Variants in GABBR2 observed in about 807,000 individuals in gnomAD.
GABBR2 encodes G-protein coupled receptor 51.
Under a neutral mutation model 105.6 loss-of-function variants are expected in GABBR2, and 23 were observed. The ratio of observed to expected loss-of-function variants is 0.22; its 90% CI spans 0.16 to 0.31. GABBR2 has a LOEUF of 0.31. GABBR2 is among the 10% of genes least tolerant of loss of function. The pLI is 1.00. For missense variants in GABBR2, 734 were observed against 1,245.5 expected (o/e 0.59, Z 6.18); for synonymous variants, 478 against 499.7 (o/e 0.96, Z 0.58).
At chr9:98,690,754 C>A (rs534130536) in intron 1 of GABBR2, among the ~76,000 whole-genome samples, 1 of 152,300 alleles carries the variant, frequency 6.6e-6, no homozygotes, top group East Asian at 1.9e-4. Flanking sequence ...CAACCCAGAC[C>A]AGATACCCTG....
intron 1 of GABBR2, among the ~76,000 whole-genome samples, chr9:98,602,434 T>C (rs1434383010): frequency 7.3e-6 from 1 of 136,644 alleles, no homozygotes; most frequent in East Asian, 2.2e-4. Context: ...ATCGCACCAC[T>C]GGGTGACAGA....
At chr9:98,502,934 A>T (rs1827433701) in intron 3 of GABBR2, among the ~76,000 whole-genome samples, 1 of 152,120 alleles carries the variant, frequency 6.6e-6, no homozygotes, top group South Asian at 2.1e-4. Context: ...TCACCCACTC[A>T]TTCATTTCTG....
At chr9:98,365,157 T>A (rs1385901054) in intron 12 of GABBR2, among the ~76,000 whole-genome samples, 3 of 152,240 alleles carry the variant, frequency 2.0e-5, no homozygotes, top group Non-Finnish European at 4.4e-5. Context: ...TTGTCAAGCG[T>A]GATCTTGAGC....
chr9:98,688,239 G>A (rs1051837452), intron 1 of GABBR2, among the ~76,000 whole-genome samples: 2 of 152,150 alleles, frequency 1.3e-5, no homozygotes, highest in African/African-American at 4.8e-5. Context: ...GAATCCTGGA[G>A]CAATGGGGTG....
intron 13 of GABBR2, among the ~76,000 whole-genome samples, chr9:98,322,897 C>T (rs943189708): frequency 2.6e-5 from 4 of 152,056 alleles, no homozygotes; most frequent in East Asian, 3.9e-4. Context: ...GTTCCGCTAT[C>T]GCCCCCACCC....
At chr9:98,625,638 G>C (rs1829727580) in intron 1 of GABBR2, among the ~76,000 whole-genome samples, 1 of 152,216 alleles carries the variant, frequency 6.6e-6, no homozygotes, top group South Asian at 2.1e-4. Context: ...CACAGAGGTA[G>C]TGTGGTTAGG....
chr9:98,342,948 T>C (rs1248613006), intron 13 of GABBR2, among the ~76,000 whole-genome samples: 4 of 152,138 alleles, frequency 2.6e-5, no homozygotes, highest in Non-Finnish European at 2.9e-5. Flanking sequence ...TGACTTTTTT[T>C]CCCCCCAGAG....
chr9:98,385,841 C>T (rs2131489888), intron 10 of GABBR2, 69 bp from the exon 11 acceptor site: 2 of 1,230,776 alleles, frequency 1.6e-6, no homozygotes, highest in East Asian at 4.6e-5. Flanking sequence ...CAGGTATTTT[C>T]TAAACGCCTG....
chr9:98,482,015 G>A (rs780511836), intron 4 of GABBR2, among the ~76,000 whole-genome samples: 4 of 152,114 alleles, frequency 2.6e-5, no homozygotes, highest in African/African-American at 9.7e-5. Flanking sequence ...GAAAGAGAAC[G>A]GGTGGGGCGG....
chr9:98,540,428 A>G (rs570760366), intron 3 of GABBR2, among the ~76,000 whole-genome samples: 61 of 152,358 alleles, frequency 4.0e-4, no homozygotes, highest in Middle Eastern at 3.4e-3. Context: ...CAGAGAAGCA[A>G]GGTAACGTCT....
At chr9:98,475,858 T>C (rs1826782447) in intron 5 of GABBR2, among the ~76,000 whole-genome samples, 1 of 151,226 alleles carries the variant, frequency 6.6e-6, no homozygotes. Flanking sequence ...AGGTCAGGAG[T>C]TCAAGACCAG....
intron 12 of GABBR2, among the ~76,000 whole-genome samples, chr9:98,364,500 T>C (rs1285209333): frequency 1.3e-5 from 2 of 152,188 alleles, no homozygotes; most frequent in Admixed American, 6.5e-5. Context: ...GCAAGGGGCA[T>C]AGATGGCTTT....
chr9:98,295,360 A>G (rs1010199436), intron 17 of GABBR2, among the ~76,000 whole-genome samples: 6 of 152,184 alleles, frequency 3.9e-5, no homozygotes, highest in Admixed American at 1.3e-4. Flanking sequence ...GCTGTTTAAA[A>G]TGGCCCCCAA....
chr9:98,302,407 C>T (rs1449104968), intron 16 of GABBR2, among the ~76,000 whole-genome samples: 1 of 152,216 alleles, frequency 6.6e-6, no homozygotes, highest in East Asian at 1.9e-4. Flanking sequence ...AGGGCAGGAA[C>T]CAAGCCCAGC....
At position 98,503,222 on chromosome 9, in the gene GABBR2, G is replaced by A. The variant is rs1012610018; in HGVS notation, c.631-6708C>T. 4.6e-5 allele frequency among the ~76,000 whole-genome samples: 7 copies of A among 152,264 alleles called. No homozygotes were observed. The South Asian group carries it at 6.2e-4, about 14-fold the overall frequency. On this transcript the variant is annotated intron_variant, in intron 3 of 18. Coordinates refer to ENST00000259455, the MANE Select transcript of GABBR2 (RefSeq NM_005458.8). ...GAGCAGCATGTGTACTTCCTGTGAC[G>A]GGAGGGAGCTGGTGGAGAAACTAAA...
intron 18 of GABBR2, among the ~76,000 whole-genome samples, chr9:98,292,668 G>C (rs1830319805): frequency 6.6e-6 from 1 of 152,218 alleles, no homozygotes; most frequent in Admixed American, 6.5e-5. Flanking sequence ...AGGACAAAAA[G>C]GGAAGAATAA....
chr9:98,483,181 AGTCATCTTAG>A (rs1205838375), intron 4 of GABBR2, among the ~76,000 whole-genome samples: 5 of 152,044 alleles, frequency 3.3e-5, no homozygotes, highest in African/African-American at 1.2e-4. Flanking sequence ...GGAACTTGGG[AGTCATCTTAG>A]ACTCACTCCT....
intron 3 of GABBR2, among the ~76,000 whole-genome samples, chr9:98,500,063 A>G (rs1827369292): frequency 6.6e-6 from 1 of 152,232 alleles, no homozygotes; most frequent in South Asian, 2.1e-4. Flanking sequence ...AAACAACAAC[A>G]GCAACAACAA....
chr9:98,601,790 T>C (rs938047787), intron 1 of GABBR2, among the ~76,000 whole-genome samples: 8 of 152,136 alleles, frequency 5.3e-5, no homozygotes, highest in African/African-American at 1.9e-4. Context: ...CCTGGTTTGT[T>C]CCCATCTCCC....
Sources: allele counts gnomAD v4.1 joint callset (sites outside exome capture counted in the v4.1 genomes callset), GRCh38; gene constraint gnomAD v4.1.1; transcripts MANE v1.5; gene names NCBI Gene and HGNC (gene_info 2026-07-23, HGNC 2026-07-21).